The following CTRB1 variants were observed in gnomAD, a reference collection of about 807,000 sequenced individuals.
The protein encoded by CTRB1 is chymotrypsinogen B1.
In CTRB1, 15 loss-of-function variants were observed where a neutral mutation model predicts 20.4. The observed-to-expected ratio is 0.74, with a 90% CI of 0.49 to 1.13. The LOEUF is 1.13. Ranked by LOEUF, CTRB1 falls within the 50% of genes most tolerant of loss-of-function variation. The pLI is 0.00. For missense variants in CTRB1, 227 were observed against 290.1 expected, an observed-to-expected ratio of 0.78 and a Z score of 1.58; for synonymous variants, 92 against 128.4, an observed-to-expected ratio of 0.72 and a Z score of 1.92.
Position 75,221,454 on chromosome 16 carries a change from G to C in CTRB1, c.53-1314G>C, listed in dbSNP as rs557177301. Among the ~76,000 whole-genome samples the C allele has an allele frequency of 7.7e-4, 117 of 152,194 alleles. 1 individual carries two copies. The highest frequency in any genetic ancestry group is 2.6e-3 in the African/African-American group (106 of 41,552). The stretch of plus-strand genomic sequence containing the variant: ...AGCTTACTGCAACCTCTGTCCCCCA[G>C]GTTCAAGCGATTCTCCTGCCTCAGC... On this transcript the variant is annotated intron_variant, in intron 1 of 6. Coordinates refer to ENST00000361017, the MANE Select transcript of CTRB1 (RefSeq NM_001906.6).
intron 6 of CTRB1, 63 bp from the exon 7 acceptor site, chr16:75,224,642 G>A: frequency 6.5e-7 from 1 of 1,529,600 alleles, no homozygotes; most frequent in African/African-American, 1.4e-5. Flanking sequence ...ACAATGTCCA[G>A]TGGCCCCTGG....
chr16:75,221,062 T>C (rs1216449255), intron 1 of CTRB1, among the ~76,000 whole-genome samples: 1 of 152,204 alleles, frequency 6.6e-6, no homozygotes, highest in Non-Finnish European at 1.5e-5. Flanking sequence ...CAGTTTTTGA[T>C]GCTCTGAAAC....
intron 1 of CTRB1, among the ~76,000 whole-genome samples, chr16:75,221,719 T>C (rs2039087743): frequency 6.8e-6 from 1 of 147,052 alleles, no homozygotes; most frequent in South Asian, 2.2e-4. Flanking sequence ...ATGCCTGTGA[T>C]CTCAGCATGT....
chr16:75,219,536 C>T (rs1408363271), intron 1 of CTRB1, among the ~76,000 whole-genome samples: 7 of 152,036 alleles, frequency 4.6e-5, no homozygotes, highest in African/African-American at 1.7e-4. Flanking sequence ...GGACTACAGG[C>T]ATGGACCACC....
intron 1 of CTRB1, among the ~76,000 whole-genome samples, chr16:75,220,778 G>T (rs2151374711): frequency 6.7e-6 from 1 of 149,222 alleles, no homozygotes; most frequent in South Asian, 2.2e-4. Flanking sequence ...TATTTTTTTA[G>T]ATGGAGTTTC....
chr16:75,222,704 C>G (rs750901494), intron 1 of CTRB1, 64 bp from the exon 2 acceptor site: 1 of 1,497,990 alleles, frequency 6.7e-7, no homozygotes, highest in Non-Finnish European at 9.0e-7. Context: ...GAGAGCTGCA[C>G]GCAGGCAGGT....
At chr16:75,220,506 G>C (rs981583089) in intron 1 of CTRB1, among the ~76,000 whole-genome samples, 4 of 152,124 alleles carry the variant, frequency 2.6e-5, no homozygotes, top group African/African-American at 9.7e-5. Flanking sequence ...ATGTTGTCCA[G>C]GCTGGTCTCG....
intron 1 of CTRB1, 39 bp downstream of exon 1, chr16:75,219,098 C>A (rs917122419): frequency 4.5e-6 from 7 of 1,559,694 alleles, no homozygotes; most frequent in Non-Finnish European, 6.1e-6. Context: ...CTGAGGGAGC[C>A]CTGAGCCTGG....
chr16:75,220,204 A>G (rs1484687462), intron 1 of CTRB1, among the ~76,000 whole-genome samples: 6 of 151,374 alleles, frequency 4.0e-5, no homozygotes, highest in Admixed American at 6.6e-5. Context: ...TTTCTTTGAG[A>G]CAGAGTTTCA....
chr16:75,219,903 C>A (rs1291976365), intron 1 of CTRB1, among the ~76,000 whole-genome samples: 1 of 152,194 alleles, frequency 6.6e-6, no homozygotes, highest in African/African-American at 2.4e-5. Flanking sequence ...TGAGCTTATA[C>A]AATTGTACTA....
At position 75,224,793 on chromosome 16, in the gene CTRB1, C is replaced by A. The variant is rs1283706672; in HGVS notation, c.719C>A (p.Thr240Asn). The A allele has an allele frequency of 6.2e-7, 1 of 1,613,986 alleles. No individual in the cohort carries two copies. Among genetic ancestry groups the A allele is most frequent in the Admixed American group, 1.7e-5 (1 of 60,012 alleles). The change falls in exon 7 of 7, where the codon ACC (threonine) becomes AAC (asparagine). Residue 240 changes from threonine (T) to asparagine (N), a missense_variant. Transcript: ENST00000361017. ...IVSWGSDTCS[T>N]SSPGVYARVT... is the part of the protein sequence containing the mutation. The stretch of plus-strand genomic sequence containing the variant: ...TCCTGGGGCAGCGACACCTGCTCCA[C>A]CTCCAGCCCTGGCGTGTACGCCCGT...
At chr16:75,219,540 G>C (rs754068097) in intron 1 of CTRB1, among the ~76,000 whole-genome samples, 25 of 151,900 alleles carry the variant, frequency 1.6e-4, no homozygotes, top group Non-Finnish European at 3.1e-4. Context: ...TACAGGCATG[G>C]ACCACCAACC....
At chr16:75,219,096 G>A (rs375837360) in intron 1 of CTRB1, 37 bp downstream of exon 1, 5 of 1,562,184 alleles carry the variant, frequency 3.2e-6, no homozygotes, top group African/African-American at 1.3e-5. Flanking sequence ...TCCTGAGGGA[G>A]CCCTGAGCCT....
At position 75,224,889 on chromosome 16, in the gene CTRB1, G is replaced by A. The variant is rs2076726636; in HGVS notation, c.*23G>A. The A allele has an allele frequency of 2.5e-6, 4 of 1,612,058 alleles. No homozygotes were observed. Among genetic ancestry groups the A allele is most frequent in the African/African-American group, 1.3e-5 (1 of 74,900 alleles). Reference sequence around the variant, plus strand: ...TGAGCCCGCGGCTCCCTCCGACCCTGCTCCCCACAGAGCCTCAGTAAACCC... The same window carrying A: ...TGAGCCCGCGGCTCCCTCCGACCCTACTCCCCACAGAGCCTCAGTAAACCC... On this transcript the variant is annotated 3_prime_UTR_variant, in exon 7 of 7. Transcript: ENST00000361017.
intron 6 of CTRB1, 151 bp downstream of exon 6, chr16:75,224,339 C>G: frequency 6.9e-7 from 1 of 1,444,202 alleles, no homozygotes; most frequent in African/African-American, 1.4e-5. Flanking sequence ...AATGTCAGAG[C>G]CAATGGCTCT....
Position 75,221,966 on chromosome 16 carries a change from C to G in CTRB1, c.53-802C>G, listed in dbSNP as rs560655670. On this transcript the variant is annotated intron_variant, in intron 1 of 6. Coordinates refer to ENST00000361017, the MANE Select transcript of CTRB1 (RefSeq NM_001906.6). ...GTCCCAGCTACTCGGGAGGCTGAGG[C>G]AGGAGAATGGCGTGAACCCAGGAGG... Among the ~76,000 whole-genome samples, 13 of 150,124 alleles carry G rather than the reference C, an allele frequency of 8.7e-5. No individual in the cohort carries two copies. The South Asian group carries it at 2.5e-3, about 29-fold the overall frequency.
Position 75,222,813 on chromosome 16 carries a change from G to C in CTRB1, c.98G>C (p.Arg33Thr), listed in dbSNP as rs1460273237. The change falls in exon 2 of 7, where the codon AGG becomes ACG. Residue 33 changes from arginine to threonine, a missense_variant. Arg to Thr is a moderately conservative substitution (Grantham distance 71). Coordinates refer to ENST00000361017, the MANE Select transcript of CTRB1 (RefSeq NM_001906.6). The stretch of plus-strand genomic sequence containing the variant: ...CACCCTGTGCTCAGCGGCCTGTCCA[G>C]GATCGTGAATGGGGAGGACGCCGTC... Reference protein sequence around the residue: ...AIHPVLSGLSRIVNGEDAVPG... With the variant: ...AIHPVLSGLSTIVNGEDAVPG... 5.8e-6 allele frequency: 9 copies of C among 1,549,412 alleles called. No individual in the cohort carries two copies. The highest frequency in any genetic ancestry group is 7.9e-6 in the Non-Finnish European group (9 of 1,145,218).
At chr16:75,220,307 C>T (rs536827344) in intron 1 of CTRB1, among the ~76,000 whole-genome samples, 64 of 152,298 alleles carry the variant, frequency 4.2e-4, no homozygotes, top group African/African-American at 1.4e-3. Flanking sequence ...CCTCAGCCTA[C>T]TGAGTAGCTG....
At chr16:75,221,094 C>CCT (rs1424759791) in intron 1 of CTRB1, among the ~76,000 whole-genome samples, 1 of 152,196 alleles carries the variant, frequency 6.6e-6, no homozygotes, top group Non-Finnish European at 1.5e-5. Flanking sequence ...ACCTTGCCTG[C>CCT]CTGTGTTCCT....
Sources: allele counts gnomAD v4.1 joint callset (sites outside exome capture counted in the v4.1 genomes callset), GRCh38; gene constraint gnomAD v4.1.1; transcripts MANE v1.5; gene names NCBI Gene and HGNC (gene_info 2026-07-23, HGNC 2026-07-21).